LRMDA: variants seen among roughly 807,000 people sequenced by gnomAD.
LRMDA encodes the protein leucine-rich melanocyte differentiation-associated protein.
In LRMDA, 18 loss-of-function variants were observed where a neutral mutation model predicts 29.8. That is an observed-to-expected ratio of 0.60 (90% confidence interval 0.42 to 0.90). LRMDA has a LOEUF of 0.90. LRMDA is among the 40% of genes least tolerant of loss of function. The pLI, the probability that LRMDA is intolerant of heterozygous loss-of-function variation, is 0.00. For missense variants in LRMDA, 273 were observed against 273.9 expected, an observed-to-expected ratio of 1.00 and a Z score of 0.02; for synonymous variants, 125 against 109.4, an observed-to-expected ratio of 1.14 and a Z score of -0.89.
chr10:76,006,099 T>C (rs10824350), intron 2 of LRMDA, among the ~76,000 whole-genome samples: 17,844 of 151,916 alleles, frequency 0.12, 1,353 homozygotes, highest in African/African-American at 0.21. Flanking sequence ...ATGAGAAAAG[T>C]TGATGGGGCA....
At chr10:76,164,983 GT>G (rs748037418) in intron 5 of LRMDA, among the ~76,000 whole-genome samples, 3 of 152,088 alleles carry the variant, frequency 2.0e-5, no homozygotes, top group Non-Finnish European at 4.4e-5. Flanking sequence ...TTTTGTTTTT[GT>G]TTATTGAGAC....
rs186621241 is a variant in LRMDA, at chr10:76,187,397, G to A, written c.516+128614G>A. On this transcript the variant is annotated intron_variant, in intron 5 of 6. Transcript: ENST00000611255. ...GCCCCTTGCTCCTTTCCTTTCCCTT[G>A]TATCAGGGACCAGGACCATTCTTCT... Among the ~76,000 whole-genome samples the A allele has an allele frequency of 1.1e-3, 164 of 152,172 alleles. 1 individual carries two copies. Among genetic ancestry groups the A allele is most frequent in the African/African-American group, 3.8e-3 (157 of 41,538 alleles).
intron 6 of LRMDA, among the ~76,000 whole-genome samples, chr10:76,381,528 G>T (rs1435171382): frequency 6.6e-6 from 1 of 151,978 alleles, no homozygotes; most frequent in Non-Finnish European, 1.5e-5. Flanking sequence ...AGAGTTTTCT[G>T]GTATTCCAAG....
chr10:76,308,673 G>C (rs1025189658), intron 5 of LRMDA, among the ~76,000 whole-genome samples: 1 of 152,176 alleles, frequency 6.6e-6, no homozygotes, highest in Middle Eastern at 3.2e-3. Flanking sequence ...CCTGGGGATG[G>C]AGAAGCCATA....
intron 6 of LRMDA, among the ~76,000 whole-genome samples, chr10:76,477,381 A>G (rs2132322928): frequency 6.6e-6 from 1 of 152,262 alleles, no homozygotes; most frequent in Non-Finnish European, 1.5e-5. Context: ...ACTACAAACC[A>G]CTGCTCAACA....
chr10:76,307,799 C>A (rs571684677), intron 5 of LRMDA, among the ~76,000 whole-genome samples: 4 of 152,176 alleles, frequency 2.6e-5, no homozygotes, highest in Non-Finnish European at 5.9e-5. Context: ...AGAAACAAAG[C>A]TGAGATAGAA....
intron 6 of LRMDA, among the ~76,000 whole-genome samples, chr10:76,494,597 G>A (rs1440899411): frequency 6.6e-6 from 1 of 151,210 alleles, no homozygotes; most frequent in Non-Finnish European, 1.5e-5. Context: ...CTTTTTTGTT[G>A]TTCTCACTAT....
At chr10:76,412,998 C>T (rs1032200557) in intron 6 of LRMDA, among the ~76,000 whole-genome samples, 4 of 152,156 alleles carry the variant, frequency 2.6e-5, no homozygotes, top group Non-Finnish European at 5.9e-5. Context: ...ACCTCCTCTT[C>T]ACATTCTTTG....
intron 5 of LRMDA, among the ~76,000 whole-genome samples, chr10:76,213,526 C>G (rs11001688): frequency 0.15 from 23,270 of 152,214 alleles, 2,484 homozygotes; most frequent in East Asian, 0.52. Context: ...CTTTCATTTC[C>G]TAAGTGGAGG....
intron 5 of LRMDA, among the ~76,000 whole-genome samples, chr10:76,185,626 C>G (rs1049886678): frequency 6.6e-6 from 1 of 152,098 alleles, no homozygotes; most frequent in African/African-American, 2.4e-5. Flanking sequence ...CATGTTTGTG[C>G]GAGGGATATG....
rs557849212 is a variant in LRMDA at position 76,147,248 on chromosome 10, G to C, written c.516+88465G>C. Among the ~76,000 whole-genome samples the C allele has an allele frequency of 5.1e-3, 777 of 152,300 alleles. 4 individuals are homozygous for C. Among genetic ancestry groups the C allele is most frequent in the Non-Finnish European group, 7.4e-3 (505 of 68,030 alleles). On this transcript the variant is annotated intron_variant, in intron 5 of 6. Transcript: ENST00000611255. Reference sequence around the variant, plus strand: ...TGTTGGCCTGCCTTGCTAGATTGGGGAAGTTCTCCTGGATAATATCCTGCA... The same window carrying C: ...TGTTGGCCTGCCTTGCTAGATTGGGCAAGTTCTCCTGGATAATATCCTGCA...
chr10:76,356,390 C>T (rs113750865), intron 6 of LRMDA, among the ~76,000 whole-genome samples: 2,605 of 152,286 alleles, frequency 0.017, 51 homozygotes, highest in African/African-American at 0.048. Flanking sequence ...AGCTGGCTGT[C>T]ATTTGCATAC....
Position 75,924,545 on chromosome 10 carries a change from A to G in LRMDA, c.132-111463A>G, listed in dbSNP as rs1020275050. ...TATACAGAGAGGATGATGGGAAGTG[A>G]CAGTGGTCTGTCAGGAAGGACTGGC... On this transcript the variant is annotated intron_variant, in intron 2 of 6. Coordinates refer to ENST00000611255, the MANE Select transcript of LRMDA (RefSeq NM_001305581.2). 2.0e-5 allele frequency among the ~76,000 whole-genome samples: 3 copies of G among 152,190 alleles called. No homozygotes were observed. The East Asian group carries it at 5.8e-4, about 29-fold the overall frequency.
rs71477024 is a variant in LRMDA at position 75,608,129 on chromosome 10, T to TAC, written c.131+169643_131+169644dup. Among the ~76,000 whole-genome samples, 85 of 89,600 alleles carry TAC rather than the reference T, an allele frequency of 9.5e-4. 2 individuals carry two copies. Among genetic ancestry groups the TAC allele is most frequent in the African/African-American group, 2.3e-3 (75 of 32,010 alleles). The allele number at this position is 89,600 out of a possible 152,430, so 58.8% of individuals were successfully genotyped here. A position where few individuals can be genotyped will look rare whatever the true frequency, so the allele number is the denominator to read the frequency against. The stretch of plus-strand genomic sequence containing the variant: ...GTGTGTGTATATATATATATATATA[T>TAC]ACACACACATACACAAAGCAATATT... On this transcript the variant is annotated intron_variant, in intron 2 of 6. Coordinates refer to ENST00000611255, the MANE Select transcript of LRMDA (RefSeq NM_001305581.2).
At chr10:76,193,871 C>G (rs977915404) in intron 5 of LRMDA, among the ~76,000 whole-genome samples, 1 of 152,114 alleles carries the variant, frequency 6.6e-6, no homozygotes, top group South Asian at 2.1e-4. Context: ...CTAACTGGAG[C>G]TTTCAGGAGA....
rs140425944 is a variant in LRMDA, at chr10:75,598,714, T to G, written c.131+160220T>G. ...GCTTCATATGTAACTCCTTTCGTTC[T>G]CCTCCTTCCGCGGTCTTTCTTACGC... On this transcript the variant is annotated intron_variant, in intron 2 of 6. Coordinates refer to ENST00000611255, the MANE Select transcript of LRMDA (RefSeq NM_001305581.2). Among the ~76,000 whole-genome samples the G allele has an allele frequency of 4.0e-4, 61 of 152,312 alleles. 1 individual carries two copies. The highest frequency in any genetic ancestry group is 1.4e-3 in the African/African-American group (59 of 41,560).
intron 2 of LRMDA, among the ~76,000 whole-genome samples, chr10:75,716,387 G>A (rs747550120): frequency 3.9e-5 from 6 of 152,070 alleles, no homozygotes; most frequent in South Asian, 2.1e-4. Context: ...ATAAACCCTC[G>A]TTGTTTATGC....
chr10:75,845,521 C>T (rs1046897356), intron 2 of LRMDA, among the ~76,000 whole-genome samples: 1 of 152,198 alleles, frequency 6.6e-6, no homozygotes, highest in African/African-American at 2.4e-5. Context: ...GCTCCCTTCC[C>T]ACCTTCAGGT....
intron 2 of LRMDA, among the ~76,000 whole-genome samples, chr10:75,798,403 A>G (rs1452736775): frequency 6.6e-6 from 1 of 151,992 alleles, no homozygotes; most frequent in Non-Finnish European, 1.5e-5. Flanking sequence ...GGTCATGAAG[A>G]TTTCTCTCCT....
Sources: gnomAD v4.1 joint callset for allele counts (sites outside exome capture counted in the v4.1 genomes callset) on GRCh38, gnomAD v4.1.1 for gene constraint, MANE v1.5 for transcripts, NCBI Gene and HGNC (gene_info 2026-07-23, HGNC 2026-07-21) for gene names.